The following KIRREL1 variants were observed in gnomAD, a reference collection of about 807,000 sequenced individuals.
KIRREL1 encodes the protein kin of IRRE-like protein 1.
A neutral mutation model predicts 83.3 loss-of-function variants in KIRREL1; 25 were observed. That is an observed-to-expected ratio of 0.30 (90% confidence interval 0.22 to 0.42). KIRREL1 has a LOEUF of 0.42. Ranked by LOEUF, KIRREL1 falls within the 10% of genes least tolerant of loss-of-function variation. KIRREL1 has a pLI of 1.00. For missense variants in KIRREL1, 812 were observed against 1,032.3 expected (o/e 0.79, Z 2.92); for synonymous variants, 388 against 410.4 (o/e 0.95, Z 0.66).
chr1:158,045,722 T>C lies in KIRREL1; in HGVS notation c.53-30391T>C, dbSNP rs1301127172. On this transcript the variant is annotated intron_variant, in intron 1 of 14. Transcript: ENST00000359209. ...CATTTTGGCATGTGATTGAATTCAG[T>C]CTCCAACCTCCCTCTCCTCTCTGGA... 5.3e-5 allele frequency among the ~76,000 whole-genome samples: 8 copies of C among 152,202 alleles called. 1 individual carries two copies. Among genetic ancestry groups the C allele is most frequent in the Admixed American group, 3.9e-4 (6 of 15,278 alleles).
intron 1 of KIRREL1, among the ~76,000 whole-genome samples, chr1:158,036,957 C>T (rs1435735712): frequency 1.3e-5 from 2 of 152,178 alleles, no homozygotes; most frequent in African/African-American, 4.8e-5. Flanking sequence ...TGGAGTGAAC[C>T]ACCCGGAGTC....
chr1:158,066,700 A>T (rs990648024), intron 1 of KIRREL1, among the ~76,000 whole-genome samples: 6 of 151,794 alleles, frequency 4.0e-5, no homozygotes, highest in Non-Finnish European at 7.4e-5. Flanking sequence ...CTGCTTTCCC[A>T]CCCCAGCTTC....
At position 158,064,035 on chromosome 1, in the gene KIRREL1, A is replaced by AT. The variant is rs1201909407; in HGVS notation, c.53-12074dup. On this transcript the variant is annotated intron_variant, in intron 1 of 14. Coordinates refer to ENST00000359209, the MANE Select transcript of KIRREL1 (RefSeq NM_018240.7). ...AATAGATGTATGTTGAATTAAGTTT[A>AT]TTTTCTCTGGAGGGTGGTGTTTTAT... 3.9e-5 allele frequency among the ~76,000 whole-genome samples: 6 copies of AT among 152,162 alleles called. No individual in the cohort carries two copies. In the East Asian group the frequency reaches 9.6e-4, roughly 24 times the overall value.
In KIRREL1 at chr1:158,097,167, G is replaced by T. The variant is rs1662376449; in HGVS notation, c.*2047G>T. 1 of 421,552 alleles carries T rather than the reference G, an allele frequency of 2.4e-6. No individual in the cohort carries two copies. Among genetic ancestry groups the T allele is most frequent in the South Asian group, 1.7e-5 (1 of 57,538 alleles). 26.1% of individuals were successfully genotyped at this position (421,552 alleles called of 1,614,324 possible). ...CTGGAAGCTGATACCTTTCTATAGA[G>T]TCCTTTTATGAGAGCTCAGTGGGAA... On this transcript the variant is annotated 3_prime_UTR_variant, in exon 15 of 15. Transcript: ENST00000359209.
At chr1:158,064,855 G>T (rs1661317831) in intron 1 of KIRREL1, among the ~76,000 whole-genome samples, 1 of 151,580 alleles carries the variant, frequency 6.6e-6, no homozygotes, top group Non-Finnish European at 1.5e-5. Flanking sequence ...TGCTCACCTG[G>T]CTCATAGACT....
At chr1:158,048,334 G>T (rs953461325) in intron 1 of KIRREL1, among the ~76,000 whole-genome samples, 1 of 152,220 alleles carries the variant, frequency 6.6e-6, no homozygotes, top group Non-Finnish European at 1.5e-5. Flanking sequence ...GAGGCACAGA[G>T]CACTAAAGCA....
rs138372271 is a variant in KIRREL1, at chr1:158,072,902, G to T, written c.53-3211G>T. Among the ~76,000 whole-genome samples the T allele has an allele frequency of 2.1e-3, 315 of 152,016 alleles. 1 individual carries two copies. Among genetic ancestry groups the T allele is most frequent in the African/African-American group, 7.3e-3 (301 of 41,434 alleles). ...AGGAAGGAAGGGGAGAGGGGACCCA[G>T]TAGCATTACAATGTAAAAGGGGGAT... is the stretch of plus-strand genomic sequence containing the variant. On this transcript the variant is annotated intron_variant, in intron 1 of 14. Transcript: ENST00000359209.
intron 1 of KIRREL1, among the ~76,000 whole-genome samples, chr1:158,061,591 A>G (rs142291611): frequency 1.3e-5 from 2 of 152,314 alleles, no homozygotes; most frequent in East Asian, 3.9e-4. Context: ...GGACACCTTC[A>G]TCAGTCACAT....
chr1:158,095,096 G>A lies in KIRREL1; in HGVS notation c.2250G>A (p.Gln750=). 3 of 1,603,550 alleles carry A rather than the reference G, an allele frequency of 1.9e-6. No homozygotes were observed. The highest frequency in any genetic ancestry group is 2.6e-6 in the Non-Finnish European group (3 of 1,172,900). Residue 750 remains glutamine, a synonymous_variant, in exon 15 of 15, where the codon CAG becomes CAA. Coordinates refer to ENST00000359209, the MANE Select transcript of KIRREL1 (RefSeq NM_018240.7). The stretch of plus-strand genomic sequence containing the variant: ...ACTCGGACTACGGCCAGCGATTCCA[G>A]CAGCGCATGCAGACTCACGTGTAGG... The part of the protein sequence containing the change: ...SQHSDYGQRF[Q]QRMQTHV
chr1:158,077,643 C>T (rs1286069436), intron 2 of KIRREL1, among the ~76,000 whole-genome samples: 2 of 152,240 alleles, frequency 1.3e-5, no homozygotes, highest in Non-Finnish European at 2.9e-5. Flanking sequence ...CTGGCGCCCA[C>T]ACACTCGCTC....
intron 1 of KIRREL1, among the ~76,000 whole-genome samples, chr1:158,000,007 C>T (rs967856518): frequency 6.6e-6 from 1 of 150,846 alleles, no homozygotes; most frequent in Non-Finnish European, 1.5e-5. Context: ...GCAGATTGTC[C>T]AAGATGATCC....
rs757727103 is a variant in KIRREL1, at chr1:158,091,566, A to G, written c.1471+10A>G. The G allele has an allele frequency of 6.2e-7, 1 of 1,613,868 alleles. No individual in the cohort carries two copies. Among genetic ancestry groups the G allele is most frequent in the Admixed American group, 1.7e-5 (1 of 60,030 alleles). On this transcript the variant is annotated intron_variant, in intron 11 of 14. Coordinates refer to ENST00000359209, the MANE Select transcript of KIRREL1 (RefSeq NM_018240.7). ...CAGCTGGAAGAGCGAGGTGACTGGT[A>G]GTGCTGCCTGCCAGCTGGGGTGCAG...
At chr1:158,028,838 G>A (rs1201535727) in intron 1 of KIRREL1, among the ~76,000 whole-genome samples, 7 of 152,104 alleles carry the variant, frequency 4.6e-5, no homozygotes, top group Non-Finnish European at 7.4e-5. Flanking sequence ...CTGGGTCTTG[G>A]TAGAACCAGA....
At chr1:158,018,333 T>G (rs1659895157) in intron 1 of KIRREL1, among the ~76,000 whole-genome samples, 2 of 151,602 alleles carry the variant, frequency 1.3e-5, no homozygotes, top group African/African-American at 2.4e-5. Flanking sequence ...AAGCAGGGAG[T>G]AGGCAGAGTC....
chr1:158,073,912 T>C (rs967920649), intron 1 of KIRREL1, among the ~76,000 whole-genome samples: 3 of 152,172 alleles, frequency 2.0e-5, no homozygotes, highest in East Asian at 3.8e-4. Context: ...AGGAAAGCCA[T>C]GCGTATAAAT....
chr1:158,072,490 C>T (rs528756890), intron 1 of KIRREL1, among the ~76,000 whole-genome samples: 2 of 152,234 alleles, frequency 1.3e-5, no homozygotes, highest in African/African-American at 4.8e-5. Context: ...GTGGGCCCTA[C>T]TACAGCAGAA....
chr1:158,088,111 C>G lies in KIRREL1; in HGVS notation c.873C>G (p.Asn291Lys). Residue 291 changes from asparagine to lysine, a missense_variant, in exon 7 of 15, where the codon AAC (asparagine) becomes AAG (lysine). Transcript: ENST00000359209. ...FTEPVSCEVH[N>K]KVGSTNVSTL... ...AGCCTGTGTCTTGTGAGGTTCACAA[C>G]AAAGTGGGAAGCACCAATGTCAGCA... 1.2e-6 allele frequency: 2 copies of G among 1,614,132 alleles called. No homozygotes were observed. The highest frequency in any genetic ancestry group is 1.7e-6 in the Non-Finnish European group (2 of 1,180,022).
intron 1 of KIRREL1, among the ~76,000 whole-genome samples, chr1:158,058,331 T>A (rs1476931530): frequency 6.6e-6 from 1 of 152,226 alleles, no homozygotes; most frequent in African/African-American, 2.4e-5. Context: ...GTTGCGCTGC[T>A]GCTGCTGTTC....
In KIRREL1 at chr1:158,042,924, A is replaced by AAG. The variant is rs1230595476; in HGVS notation, c.53-33188_53-33187insGA. On this transcript the variant is annotated intron_variant, in intron 1 of 14. Transcript: ENST00000359209. ...CCGTCTCTACTAAAAAAAAAAAAAA[A>AAG]AAAATACAAAAAAATTAGCCGGGCG... 1.2e-4 allele frequency among the ~76,000 whole-genome samples: 18 copies of AAG among 150,434 alleles called. No homozygotes were observed. In the East Asian group the frequency reaches 2.3e-3, roughly 20 times the overall value.
Sources: allele counts gnomAD v4.1 joint callset (sites outside exome capture counted in the v4.1 genomes callset), GRCh38; gene constraint gnomAD v4.1.1; transcripts MANE v1.5; gene names NCBI Gene and HGNC (gene_info 2026-07-23, HGNC 2026-07-21).